The following DLGAP1 variants were observed in gnomAD, a reference collection of about 807,000 sequenced individuals.
The protein encoded by DLGAP1 is disks large-associated protein 1.
Under a neutral mutation model 90.8 loss-of-function variants are expected in DLGAP1, and 11 were observed. That is an observed-to-expected ratio of 0.12 (90% CI 0.08 to 0.20). The LOEUF (loss-of-function observed/expected upper bound fraction) is 0.20. Ranked by LOEUF, DLGAP1 falls within the 10% of genes least tolerant of loss-of-function variation. DLGAP1 has a pLI of 1.00. For synonymous variants in DLGAP1, 558 were observed against 540.7 expected (o/e 1.03, Z -0.44); for missense variants, 1,050 against 1,333.8 (o/e 0.79, Z 3.31).
intron 3 of DLGAP1, among the ~76,000 whole-genome samples, chr18:3,981,011 A>G (rs2073716962): frequency 6.6e-6 from 1 of 152,244 alleles, no homozygotes; most frequent in African/African-American, 2.4e-5. Flanking sequence ...TTTTAAAGAC[A>G]AGATCTAGTT....
At chr18:4,266,224 A>ATAAG (rs1281742698) in intron 1 of DLGAP1, among the ~76,000 whole-genome samples, 3 of 152,108 alleles carry the variant, frequency 2.0e-5, no homozygotes, top group Admixed American at 6.5e-5. Flanking sequence ...CAGGCCCTTT[A>ATAAG]TAAGTAGCTC....
At chr18:4,260,431 T>C (rs779111106) in intron 1 of DLGAP1, among the ~76,000 whole-genome samples, 2 of 152,216 alleles carry the variant, frequency 1.3e-5, no homozygotes, top group Non-Finnish European at 2.9e-5. Flanking sequence ...TTTTCTTTAA[T>C]ATAAGCATTT....
intron 1 of DLGAP1, among the ~76,000 whole-genome samples, chr18:4,197,658 G>A (rs1344255655): frequency 1.3e-5 from 2 of 152,190 alleles, no homozygotes; most frequent in Non-Finnish European, 2.9e-5. Context: ...AGAGAGTAGG[G>A]ACAGGTATGG....
intron 9 of DLGAP1, among the ~76,000 whole-genome samples, chr18:3,564,145 G>C (rs1027716338): frequency 1.3e-5 from 2 of 152,084 alleles, no homozygotes; most frequent in Admixed American, 1.3e-4. Flanking sequence ...TGAAAAGTGG[G>C]CATGATGTAC....
chr18:4,307,357 C>T (rs943104713), intron 1 of DLGAP1, among the ~76,000 whole-genome samples: 5 of 152,148 alleles, frequency 3.3e-5, no homozygotes, highest in African/African-American at 1.2e-4. Context: ...CAACCAAAAA[C>T]TCTGTTCTAC....
intron 7 of DLGAP1, among the ~76,000 whole-genome samples, chr18:3,687,345 T>G (rs541442630): frequency 6.6e-6 from 1 of 152,326 alleles, no homozygotes; most frequent in Non-Finnish European, 1.5e-5. Flanking sequence ...GATTATATGA[T>G]CTAGTTTTCT....
At chr18:4,363,808 G>A (rs1199204808) in intron 1 of DLGAP1, among the ~76,000 whole-genome samples, 4 of 152,114 alleles carry the variant, frequency 2.6e-5, no homozygotes, top group African/African-American at 9.7e-5. Flanking sequence ...AAGGTTGGTG[G>A]GACTGTAAAC....
chr18:3,632,489 G>A (rs1475480077), intron 7 of DLGAP1, among the ~76,000 whole-genome samples: 2 of 152,034 alleles, frequency 1.3e-5, no homozygotes, highest in Admixed American at 6.6e-5. Flanking sequence ...TTTTCGCAGA[G>A]ACGGGGTTTC....
intron 1 of DLGAP1, among the ~76,000 whole-genome samples, chr18:4,405,562 T>C (rs1163314618): frequency 6.6e-6 from 1 of 152,192 alleles, no homozygotes; most frequent in African/African-American, 2.4e-5. Flanking sequence ...AAACTATAAA[T>C]ATACATGTAT....
chr18:3,930,647 G>C (rs1451325635), intron 3 of DLGAP1, among the ~76,000 whole-genome samples: 1 of 152,116 alleles, frequency 6.6e-6, no homozygotes, highest in African/African-American at 2.4e-5. Flanking sequence ...TGCTCCATGG[G>C]CATTGCTCTG....
At chr18:4,189,428 A>G (rs1016742021) in intron 1 of DLGAP1, among the ~76,000 whole-genome samples, 1 of 152,162 alleles carries the variant, frequency 6.6e-6, no homozygotes, top group African/African-American at 2.4e-5. Context: ...CCAACAGGTC[A>G]TCTAAGAAGT....
rs117071253 is a variant in DLGAP1 at position 3,798,479 on chromosome 18, G to A, written c.1172+15580C>T. On this transcript the variant is annotated intron_variant, in intron 5 of 12. Coordinates refer to ENST00000315677, the MANE Select transcript of DLGAP1 (RefSeq NM_004746.4). ...AAGGCTACAGGCAGCTACAATGTAG[G>A]AAAAAAACACAGTCCAGGGCCGACC... Among the ~76,000 whole-genome samples, 888 of 152,202 alleles carry A rather than the reference G, an allele frequency of 5.8e-3. 7 individuals carry two copies. The highest frequency in any genetic ancestry group is 7.9e-3 in the Non-Finnish European group (537 of 68,000).
At chr18:4,046,311 G>C (rs1028813262) in intron 2 of DLGAP1, among the ~76,000 whole-genome samples, 3 of 152,192 alleles carry the variant, frequency 2.0e-5, no homozygotes, top group Non-Finnish European at 4.4e-5. Flanking sequence ...CCCAATAATA[G>C]CAATATTTAC....
chr18:3,730,750 C>T lies in DLGAP1; in HGVS notation c.1351-1375G>A, dbSNP rs532979580. Among the ~76,000 whole-genome samples, 24 of 152,230 alleles carry T rather than the reference C, an allele frequency of 1.6e-4. No homozygotes were observed. The South Asian group carries it at 4.4e-3, about 28-fold the overall frequency. ...ATAAAAGTGACCAATTACCTTAAGGCATATCAATAGAAAGAGACATACACT... is the reference window on the plus strand; with the variant it reads ...ATAAAAGTGACCAATTACCTTAAGGTATATCAATAGAAAGAGACATACACT... On this transcript the variant is annotated intron_variant, in intron 6 of 12. Transcript: ENST00000315677.
intron 1 of DLGAP1, among the ~76,000 whole-genome samples, chr18:4,286,227 A>C (rs1598815136): frequency 6.6e-6 from 1 of 152,164 alleles, no homozygotes; most frequent in African/African-American, 2.4e-5. Flanking sequence ...AGATGGGCCA[A>C]ATTAAGCAGC....
intron 6 of DLGAP1, among the ~76,000 whole-genome samples, chr18:3,737,219 T>C (rs931000340): frequency 1.3e-5 from 2 of 151,828 alleles, no homozygotes; most frequent in African/African-American, 4.8e-5. Flanking sequence ...CCATTCCTTC[T>C]GAAACTATTC....
intron 1 of DLGAP1, among the ~76,000 whole-genome samples, chr18:4,377,531 A>G (rs2082038725): frequency 6.6e-6 from 1 of 152,194 alleles, no homozygotes; most frequent in African/African-American, 2.4e-5. Flanking sequence ...TCAAAGGATA[A>G]ACAAGTTTTA....
At chr18:3,977,959 A>G in intron 3 of DLGAP1, 1 of 359,702 alleles carries the variant, frequency 2.8e-6, no homozygotes, top group Admixed American at 3.7e-5. Flanking sequence ...TAAGCTTTCT[A>G]TTCAGCTCCA....
chr18:3,682,305 T>A (rs1288245908), intron 7 of DLGAP1, among the ~76,000 whole-genome samples: 1 of 152,102 alleles, frequency 6.6e-6, no homozygotes, highest in Non-Finnish European at 1.5e-5. Flanking sequence ...CCCCAGAAGC[T>A]AAGCAGATGC....
Sources: gnomAD v4.1 joint callset for allele counts (sites outside exome capture counted in the v4.1 genomes callset) on GRCh38, gnomAD v4.1.1 for gene constraint, MANE v1.5 for transcripts, NCBI Gene and HGNC (gene_info 2026-07-23, HGNC 2026-07-21) for gene names.